The following SLC24A3 variants were observed in gnomAD, a reference collection of about 807,000 sequenced individuals.
SLC24A3 encodes sodium/potassium/calcium exchanger 3.
In SLC24A3, 28 loss-of-function variants were observed where a neutral mutation model predicts 75.8. The ratio of observed to expected loss-of-function variants is 0.37; its 90% confidence interval spans 0.27 to 0.51. SLC24A3 has a LOEUF of 0.51. Among genes scored for constraint, SLC24A3 ranks in the 20% least tolerant of loss-of-function variants. The pLI is 0.94. For synonymous variants in SLC24A3, 372 were observed against 334.1 expected (o/e 1.11, Z -1.24); for missense variants, 663 against 847.8 (o/e 0.78, Z 2.71).
At chr20:19,616,893 A>G (rs1292362481) in intron 6 of SLC24A3, among the ~76,000 whole-genome samples, 1 of 152,048 alleles carries the variant, frequency 6.6e-6, no homozygotes, top group Non-Finnish European at 1.5e-5. Flanking sequence ...GAAGCAAACC[A>G]TTTCCTGCAG....
At chr20:19,684,471 A>T in intron 11 of SLC24A3, 135 bp downstream of exon 11, 1 of 1,036,170 alleles carries the variant, frequency 9.7e-7, no homozygotes. Context: ...CCATTTCCTA[A>T]TCTTAGTTCC....
In SLC24A3 at chr20:19,649,263, T is replaced by A. The variant is rs147040267; in HGVS notation, c.613-4799T>A. Among the ~76,000 whole-genome samples, 233 of 152,290 alleles carry A rather than the reference T, an allele frequency of 1.5e-3. 1 individual carries two copies. Among genetic ancestry groups the A allele is most frequent in the African/African-American group, 5.3e-3 (222 of 41,566 alleles). On this transcript the variant is annotated intron_variant, in intron 6 of 16. Transcript: ENST00000328041. ...TTTCCGGTCTTCATCTAGAGATAAGTGATCCTTCACTGAGAGGCAAAGGGA... is the reference window on the plus strand; with the variant it reads ...TTTCCGGTCTTCATCTAGAGATAAGAGATCCTTCACTGAGAGGCAAAGGGA...
At chr20:19,271,781 A>C (rs955527450) in intron 1 of SLC24A3, among the ~76,000 whole-genome samples, 1 of 152,120 alleles carries the variant, frequency 6.6e-6, no homozygotes, top group African/African-American at 2.4e-5. Context: ...GTGGGAGCTA[A>C]GCTATGAGGG....
At chr20:19,458,725 A>G (rs1002354436) in intron 2 of SLC24A3, among the ~76,000 whole-genome samples, 1 of 152,140 alleles carries the variant, frequency 6.6e-6, no homozygotes, top group Non-Finnish European at 1.5e-5. Context: ...TTTTATATAC[A>G]TCCCACATTT....
At chr20:19,689,256 T>C (rs1361620007) in intron 12 of SLC24A3, among the ~76,000 whole-genome samples, 1 of 152,254 alleles carries the variant, frequency 6.6e-6, no homozygotes, top group Non-Finnish European at 1.5e-5. Flanking sequence ...CAAATGTATA[T>C]GTTTAGGTCT....
chr20:19,679,321 C>A (rs958785397), intron 9 of SLC24A3, among the ~76,000 whole-genome samples: 3 of 152,344 alleles, frequency 2.0e-5, no homozygotes, highest in East Asian at 1.9e-4. Context: ...GCCAACACAG[C>A]GAAACCCCGT....
At chr20:19,603,736 G>A (rs2031559821) in intron 6 of SLC24A3, among the ~76,000 whole-genome samples, 1 of 151,990 alleles carries the variant, frequency 6.6e-6, no homozygotes, top group Admixed American at 6.6e-5. Context: ...TAAGTGTGCT[G>A]TCTGTTGCTG....
At chr20:19,384,061 TTA>T (rs978154277) in intron 2 of SLC24A3, among the ~76,000 whole-genome samples, 1 of 152,202 alleles carries the variant, frequency 6.6e-6, no homozygotes, top group African/African-American at 2.4e-5. Context: ...GCAAACAAAA[TTA>T]TATATGTTTA....
At chr20:19,530,829 A>G (rs1411573083) in intron 3 of SLC24A3, among the ~76,000 whole-genome samples, 3 of 152,136 alleles carry the variant, frequency 2.0e-5, no homozygotes, top group African/African-American at 7.2e-5. Flanking sequence ...GGGTCTAATC[A>G]GACACTCCAG....
At chr20:19,598,646 A>C (rs2122651222) in intron 6 of SLC24A3, among the ~76,000 whole-genome samples, 1 of 152,268 alleles carries the variant, frequency 6.6e-6, no homozygotes, top group East Asian at 1.9e-4. Context: ...ATGGAAAATT[A>C]GAATTAGGGC....
chr20:19,532,452 C>G (rs537345795), intron 3 of SLC24A3, among the ~76,000 whole-genome samples: 2 of 152,282 alleles, frequency 1.3e-5, no homozygotes, highest in East Asian at 3.9e-4. Flanking sequence ...ACAGTGGGGC[C>G]CCATCTTGGA....
chr20:19,488,540 G>C (rs1189363067), intron 2 of SLC24A3, among the ~76,000 whole-genome samples: 2 of 152,148 alleles, frequency 1.3e-5, no homozygotes, highest in African/African-American at 4.8e-5. Flanking sequence ...GATAAAACAT[G>C]CTGGGACTCT....
In SLC24A3 at chr20:19,281,044, C is replaced by T. The variant is rs776749297; in HGVS notation, c.228C>T (p.Ser76=). ...TGCAGGTGAACGACACTCTGACTTC[C>T]GAAGATGCCGGACTCCGGAACAGCA... ...KLMQVNDTLT[S]EDAGLRNSKN... Residue 76 remains serine, a synonymous_variant, in exon 2 of 17, where the codon TCC becomes TCT. Coordinates refer to ENST00000328041, the MANE Select transcript of SLC24A3 (RefSeq NM_020689.4). 9.9e-6 allele frequency: 16 copies of T among 1,614,110 alleles called. No individual in the cohort carries two copies. Among genetic ancestry groups the T allele is most frequent in the Middle Eastern group, 1.6e-4 (1 of 6,062 alleles).
intron 3 of SLC24A3, among the ~76,000 whole-genome samples, chr20:19,518,512 G>T (rs959521497): frequency 1.3e-5 from 2 of 152,240 alleles, no homozygotes; most frequent in African/African-American, 4.8e-5. Flanking sequence ...TTCCAAAGAA[G>T]CATGGAGAAA....
At chr20:19,340,267 C>T (rs937266374) in intron 2 of SLC24A3, among the ~76,000 whole-genome samples, 5 of 152,122 alleles carry the variant, frequency 3.3e-5, no homozygotes, top group South Asian at 2.1e-4. Context: ...AGGGAGCACT[C>T]CATGTGAAGA....
chr20:19,482,267 A>G (rs1249493709), intron 2 of SLC24A3, among the ~76,000 whole-genome samples: 1 of 152,080 alleles, frequency 6.6e-6, no homozygotes, highest in East Asian at 1.9e-4. Flanking sequence ...CCTCACCGTC[A>G]TTCCTTATTC....
chr20:19,321,983 G>A (rs12329499), intron 2 of SLC24A3, among the ~76,000 whole-genome samples: 6,019 of 152,178 alleles, frequency 0.04, 393 homozygotes, highest in African/African-American at 0.14. Context: ...TCTGATTAAC[G>A]GATTACCTCT....
chr20:19,481,483 T>C (rs190422950), intron 2 of SLC24A3, among the ~76,000 whole-genome samples: 33 of 152,194 alleles, frequency 2.2e-4, no homozygotes, highest in Admixed American at 5.2e-4. Flanking sequence ...TCAACAGAAA[T>C]TCCATCCCAT....
At chr20:19,509,601 G>A (rs1988507226) in intron 2 of SLC24A3, among the ~76,000 whole-genome samples, 1 of 152,232 alleles carries the variant, frequency 6.6e-6, no homozygotes, top group Non-Finnish European at 1.5e-5. Context: ...CAGTTGAAGA[G>A]CTGTTGCAGT....
Sources: allele counts gnomAD v4.1 joint callset (sites outside exome capture counted in the v4.1 genomes callset), GRCh38; gene constraint gnomAD v4.1.1; transcripts MANE v1.5; gene names NCBI Gene and HGNC (gene_info 2026-07-23, HGNC 2026-07-21).